MBNL1: variants seen among roughly 807,000 people sequenced by gnomAD.
The protein encoded by MBNL1 is muscleblind like splicing regulator 1, also known as muscleblind-like protein 1.
In MBNL1, 8 loss-of-function variants were observed where a neutral mutation model predicts 42.2. That is an observed-to-expected ratio of 0.19 (90% confidence interval 0.11 to 0.34). The LOEUF (loss-of-function observed/expected upper bound fraction) is 0.34, where lower values mean the gene tolerates loss of function less well. MBNL1 is among the 10% of genes least tolerant of loss of function. The probability of loss-of-function intolerance (pLI) is 1.00; values close to 1 mark genes in which losing one functional copy is unlikely to be tolerated. For synonymous variants in MBNL1, 169 were observed against 173.9 expected, an observed-to-expected ratio of 0.97 and a Z score of 0.22; for missense variants, 309 against 495.3, an observed-to-expected ratio of 0.62 and a Z score of 3.57.
chr3:152,292,839 G>T (rs947788276), intron 1 of MBNL1, among the ~76,000 whole-genome samples: 8 of 151,542 alleles, frequency 5.3e-5, no homozygotes, highest in African/African-American at 1.7e-4. Context: ...TGTGATCATG[G>T]CTTACTGCAG....
At chr3:152,422,053 A>T (rs1047490642) in intron 3 of MBNL1, among the ~76,000 whole-genome samples, 9 of 152,186 alleles carry the variant, frequency 5.9e-5, no homozygotes, top group African/African-American at 2.2e-4. Context: ...TAGCATCATA[A>T]TGACAGGATC....
chr3:152,434,585 G>A (rs554098709), intron 4 of MBNL1, among the ~76,000 whole-genome samples: 3 of 152,210 alleles, frequency 2.0e-5, no homozygotes, highest in East Asian at 3.9e-4. Flanking sequence ...TTACTGGGTC[G>A]AATGGTATTT....
At chr3:152,349,909 T>A (rs905855113) in intron 2 of MBNL1, among the ~76,000 whole-genome samples, 14 of 152,050 alleles carry the variant, frequency 9.2e-5, no homozygotes, top group Non-Finnish European at 1.6e-4. Context: ...AGATAAGAAA[T>A]ATAGGTGTTA....
chr3:152,332,725 T>C (rs1290738235), intron 2 of MBNL1, among the ~76,000 whole-genome samples: 12 of 130,472 alleles, frequency 9.2e-5, no homozygotes, highest in African/African-American at 2.8e-4. Flanking sequence ...TGTGTGTGTG[T>C]GTGTGTGTGT....
intron 2 of MBNL1, among the ~76,000 whole-genome samples, chr3:152,356,112 AAT>A (rs2095496231): frequency 6.6e-6 from 1 of 152,186 alleles, no homozygotes. Flanking sequence ...GGTTTTATGA[AAT>A]CATTCTCTGA....
chr3:152,373,043 A>G (rs1378185005), intron 2 of MBNL1, among the ~76,000 whole-genome samples: 2 of 152,174 alleles, frequency 1.3e-5, no homozygotes, highest in African/African-American at 4.8e-5. Context: ...GCAGCTTTGC[A>G]GAGCTGTGGT....
At chr3:152,292,545 T>C (rs555024711) in intron 1 of MBNL1, among the ~76,000 whole-genome samples, 3 of 152,336 alleles carry the variant, frequency 2.0e-5, no homozygotes, top group Non-Finnish European at 4.4e-5. Context: ...TCTTCCTTTC[T>C]TGGCAGCAGC....
At chr3:152,433,038 G>T in intron 4 of MBNL1, 118 bp downstream of exon 4, 2 of 902,962 alleles carry the variant, frequency 2.2e-6, no homozygotes. Flanking sequence ...ACAGATTTTG[G>T]CTTAGGGTTT....
intron 2 of MBNL1, among the ~76,000 whole-genome samples, chr3:152,354,133 T>C (rs1220636203): frequency 6.6e-6 from 1 of 152,188 alleles, no homozygotes; most frequent in Non-Finnish European, 1.5e-5. Flanking sequence ...GAAGCTTTAA[T>C]GATATTTGAT....
At chr3:152,409,746 A>G (rs928973225) in intron 2 of MBNL1, among the ~76,000 whole-genome samples, 14 of 152,334 alleles carry the variant, frequency 9.2e-5, no homozygotes, top group African/African-American at 2.9e-4. Flanking sequence ...GAGTCTACTT[A>G]AATAGAACTT....
At chr3:152,404,876 C>A (rs1055886217) in intron 2 of MBNL1, among the ~76,000 whole-genome samples, 4 of 151,592 alleles carry the variant, frequency 2.6e-5, no homozygotes, top group African/African-American at 7.3e-5. Flanking sequence ...GAACCTCTTG[C>A]TTCACTAGGT....
At chr3:152,379,302 TTC>T (rs1353551033) in intron 2 of MBNL1, among the ~76,000 whole-genome samples, 2 of 152,182 alleles carry the variant, frequency 1.3e-5, no homozygotes, top group Non-Finnish European at 2.9e-5. Flanking sequence ...TATCAGAGTT[TTC>T]TGTCAACCAA....
At chr3:152,311,885 C>T (rs931282745) in intron 2 of MBNL1, among the ~76,000 whole-genome samples, 3 of 151,336 alleles carry the variant, frequency 2.0e-5, no homozygotes, top group Non-Finnish European at 2.9e-5. Flanking sequence ...GATTGTAATC[C>T]TGAACTCTTA....
chr3:152,272,438 C>G (rs2042440644), intron 1 of MBNL1, among the ~76,000 whole-genome samples: 2 of 152,038 alleles, frequency 1.3e-5, no homozygotes, highest in Admixed American at 1.3e-4. Context: ...TTTAGAGACA[C>G]TGTAGTTATC....
At chr3:152,433,206 G>A (rs934299728) in intron 4 of MBNL1, among the ~76,000 whole-genome samples, 1 of 152,050 alleles carries the variant, frequency 6.6e-6, no homozygotes, top group Non-Finnish European at 1.5e-5. Context: ...TCTTTAAAAC[G>A]GCGCTTACCT....
At chr3:152,280,067 T>C (rs896994291) in intron 1 of MBNL1, among the ~76,000 whole-genome samples, 6 of 152,300 alleles carry the variant, frequency 3.9e-5, no homozygotes, top group African/African-American at 1.4e-4. Flanking sequence ...TGAAAGTCTT[T>C]GCTTTTGGCT....
chr3:152,252,303 C>G (rs1389752929), intron 2 of MBNL1, among the ~76,000 whole-genome samples: 1 of 141,178 alleles, frequency 7.1e-6, no homozygotes, highest in African/African-American at 2.5e-5. Flanking sequence ...CTTTGTTCCT[C>G]CCTCTCTCTT....
chr3:152,458,427 G>A, intron 8 of MBNL1: 1 of 515,840 alleles, frequency 1.9e-6, no homozygotes, highest in East Asian at 3.4e-5. Flanking sequence ...TTGCTGAAAT[G>A]GGATTAGTAT....
At chr3:152,325,348 G>A (rs895436635) in intron 2 of MBNL1, among the ~76,000 whole-genome samples, 1 of 151,886 alleles carries the variant, frequency 6.6e-6, no homozygotes, top group African/African-American at 2.4e-5. Context: ...CACAGCCTAC[G>A]ACTTACACCT....
Sources: gnomAD v4.1 joint callset for allele counts (sites outside exome capture counted in the v4.1 genomes callset) on GRCh38, gnomAD v4.1.1 for gene constraint, MANE v1.5 for transcripts, NCBI Gene and HGNC (gene_info 2026-07-23, HGNC 2026-07-21) for gene names.